The following DHRS7C variants were observed in gnomAD, a reference collection of about 807,000 sequenced individuals.
The protein encoded by DHRS7C is dehydrogenase/reductase SDR family member 7C.
In DHRS7C, 28 loss-of-function variants were observed where a neutral mutation model predicts 29.6. The observed-to-expected ratio is 0.95, with a 90% CI of 0.70 to 1.30. DHRS7C has a LOEUF of 1.30. Ranked by LOEUF, DHRS7C falls within the 50% of genes most tolerant of loss-of-function variation. The pLI is 0.00. For synonymous variants in DHRS7C, 158 were observed against 160.2 expected (o/e 0.99, Z 0.10); for missense variants, 403 against 393.3 (o/e 1.02, Z -0.21).
chr17:9,785,407 T>C (rs1222519151), intron 1 of DHRS7C, among the ~76,000 whole-genome samples: 1 of 152,198 alleles, frequency 6.6e-6, no homozygotes. Flanking sequence ...GCCAATGCCC[T>C]GAGGGCAGAG....
chr17:9,781,524 C>G lies in DHRS7C; in HGVS notation c.225G>C (p.Glu75Asp). 6.2e-7 allele frequency: 1 copy of G among 1,614,028 alleles called. No individual in the cohort carries two copies. The highest frequency in any genetic ancestry group is 1.1e-5 in the South Asian group (1 of 91,086). ...VLCGKNWERL[E>D]NLYDALISVA... Reference sequence around the variant, plus strand: ...CGCTGATCAAGGCATCATATAGGTTCTCTAGCCTCTCCCAGTTCTTTCCAC... The same window carrying G: ...CGCTGATCAAGGCATCATATAGGTTGTCTAGCCTCTCCCAGTTCTTTCCAC... The change falls in exon 2 of 6, where the codon GAG becomes GAC. Residue 75 changes from glutamate (E) to aspartate (D), a missense_variant. By Grantham distance (45) the Glu-to-Asp change is conservative. Coordinates refer to ENST00000571134, the MANE Select transcript of DHRS7C (RefSeq NM_001105571.3).
chr17:9,791,377 G>A lies in DHRS7C; in HGVS notation c.-93C>T, dbSNP rs2066454662. 2.1e-6 allele frequency: 3 copies of A among 1,443,050 alleles called. No individual in the cohort carries two copies. Among genetic ancestry groups the A allele is most frequent in the African/African-American group, 2.8e-5 (2 of 71,616 alleles). 89.4% of individuals were successfully genotyped at this position (1,443,050 alleles called of 1,614,324 possible). A position where few individuals can be genotyped will look rare whatever the true frequency, so the allele number is the denominator to read the frequency against. On this transcript the variant is annotated 5_prime_UTR_variant, in exon 1 of 6. Coordinates refer to ENST00000571134, the MANE Select transcript of DHRS7C (RefSeq NM_001105571.3). ...GGGCAGGGGGAGGCCCAAGGCTGCAGGGAGCTCAGCTCTGTGCAAGCCTCC... is the reference window on the plus strand; with the variant it reads ...GGGCAGGGGGAGGCCCAAGGCTGCAAGGAGCTCAGCTCTGTGCAAGCCTCC...
chr17:9,776,895 G>A (rs538343235), intron 4 of DHRS7C, among the ~76,000 whole-genome samples: 2 of 152,276 alleles, frequency 1.3e-5, no homozygotes, highest in East Asian at 3.9e-4. Context: ...TCTCAGGAGC[G>A]TGACCTTCAC....
At chr17:9,789,734 G>A (rs944128912) in intron 1 of DHRS7C, among the ~76,000 whole-genome samples, 13 of 152,198 alleles carry the variant, frequency 8.5e-5, no homozygotes, top group Admixed American at 6.5e-4. Context: ...GCTATTTGGA[G>A]AGCAAATTTT....
intron 3 of DHRS7C, among the ~76,000 whole-genome samples, chr17:9,778,790 C>T (rs1291594464): frequency 6.6e-6 from 1 of 152,206 alleles, no homozygotes; most frequent in Non-Finnish European, 1.5e-5. Flanking sequence ...AAGGTATTTG[C>T]AAGATCAGGC....
intron 1 of DHRS7C, among the ~76,000 whole-genome samples, chr17:9,787,470 G>A (rs930255289): frequency 1.3e-5 from 2 of 152,182 alleles, no homozygotes; most frequent in African/African-American, 2.4e-5. Flanking sequence ...CAAGCCTAGA[G>A]GTGCTGCTCC....
chr17:9,771,889 C>A (rs2066331347), intron 5 of DHRS7C, among the ~76,000 whole-genome samples, 193 bp from the exon 6 acceptor site: 1 of 152,242 alleles, frequency 6.6e-6, no homozygotes. Flanking sequence ...CTTCCTTCTG[C>A]GTCTTCGTCT....
intron 4 of DHRS7C, 116 bp from the exon 5 acceptor site, chr17:9,773,038 A>C: frequency 7.9e-7 from 1 of 1,265,930 alleles, no homozygotes; most frequent in South Asian, 1.5e-5. Flanking sequence ...AGAGCTGGGA[A>C]GATCCTCAAG....
rs760203413 is a variant in DHRS7C, at chr17:9,781,487, T to A, written c.262A>T (p.Ser88Cys). 1 of 1,613,924 alleles carries A rather than the reference T, an allele frequency of 6.2e-7. No individual in the cohort carries two copies. The highest frequency in any genetic ancestry group is 1.1e-5 in the South Asian group (1 of 91,078). Residue 88 changes from serine to cysteine, a missense_variant, in exon 2 of 6, where the codon AGC becomes TGC. Transcript: ENST00000571134. ...YDALISVADP[S>C]KTFTPKLVLL... Reference sequence around the variant, plus strand: ...CTACTGCTAGAAGACCTTACCTTGCTGGGGTCAGCCACGCTGATCAAGGCA... The same window carrying A: ...CTACTGCTAGAAGACCTTACCTTGCAGGGGTCAGCCACGCTGATCAAGGCA...
At position 9,791,217 on chromosome 17, in the gene DHRS7C, T is replaced by C. The variant is rs772925322; in HGVS notation, c.68A>G (p.Tyr23Cys). 1 of 1,613,580 alleles carries C rather than the reference T, an allele frequency of 6.2e-7. No individual in the cohort carries two copies. The highest frequency in any genetic ancestry group is 1.3e-5 in the African/African-American group (1 of 74,940). The change falls in exon 1 of 6, where the codon TAC becomes TGC. Residue 23 changes from tyrosine (Y) to cysteine (C), a missense_variant. Coordinates refer to ENST00000571134, the MANE Select transcript of DHRS7C (RefSeq NM_001105571.3). ...LLGISGLLFI[Y>C]QEVSRLWSKS... Reference sequence around the variant, plus strand: ...TGACCACAGCCTGGACACCTCTTGGTAAATGAAGAGGAGGCCGCTGATTCC... The same window carrying C: ...TGACCACAGCCTGGACACCTCTTGGCAAATGAAGAGGAGGCCGCTGATTCC...
In DHRS7C at chr17:9,787,542, CT is replaced by C. The variant is rs529811380; in HGVS notation, c.154+3588del. On this transcript the variant is annotated intron_variant, in intron 1 of 5. Coordinates refer to ENST00000571134, the MANE Select transcript of DHRS7C (RefSeq NM_001105571.3). The stretch of plus-strand genomic sequence containing the variant: ...ATACCCAGGTGTCCTTATTTCTATT[CT>C]TTTATCAGCTCAGCAGGTATCTCGC... 2.6e-5 allele frequency among the ~76,000 whole-genome samples: 4 copies of C among 152,272 alleles called. No homozygotes were observed. The East Asian group carries it at 7.7e-4, about 29-fold the overall frequency.
At position 9,777,201 on chromosome 17, in the gene DHRS7C, C is replaced by A; in HGVS notation, c.563G>T (p.Arg188Leu). 1 of 1,612,668 alleles carries A rather than the reference C, an allele frequency of 6.2e-7. No homozygotes were observed. The highest frequency in any genetic ancestry group is 8.5e-7 in the Non-Finnish European group (1 of 1,179,152). Residue 188 changes from arginine (R) to leucine (L), a missense_variant, in exon 4 of 6, where the codon CGT becomes CTT. Physicochemically the swap from Arg to Leu is moderately radical, Grantham distance 102. Coordinates refer to ENST00000571134, the MANE Select transcript of DHRS7C (RefSeq NM_001105571.3). Reference protein sequence around the residue: ...NIQGKFGIPFRTTYAASKHAA... With the variant: ...NIQGKFGIPFLTTYAASKHAA... ...TTATCTTAGCAACTTACAAGTCGTA[C>A]GGAACGGGATTCCAAACTTCCCTTG...
At chr17:9,781,274 A>G (rs745717834) in intron 2 of DHRS7C, among the ~76,000 whole-genome samples, 2 of 152,184 alleles carry the variant, frequency 1.3e-5, no homozygotes, top group Non-Finnish European at 2.9e-5. Flanking sequence ...TGGCTACAGA[A>G]CATGATTTTG....
At chr17:9,786,844 A>C (rs1271857879) in intron 1 of DHRS7C, among the ~76,000 whole-genome samples, 1 of 152,156 alleles carries the variant, frequency 6.6e-6, no homozygotes, top group Non-Finnish European at 1.5e-5. Context: ...GGAGTAACGC[A>C]TTCTCCACAC....
In DHRS7C at chr17:9,771,481, C is replaced by T. The variant is rs773299327; in HGVS notation, c.*7G>A. The T allele has an allele frequency of 1.3e-6, 2 of 1,503,394 alleles. No homozygotes were observed. The highest frequency in any genetic ancestry group is 2.1e-5 in the Admixed American group (1 of 46,818). The allele number at this position is 1,503,394 out of a possible 1,614,324, so 93.1% of individuals were successfully genotyped here. On this transcript the variant is annotated 3_prime_UTR_variant, in exon 6 of 6. Coordinates refer to ENST00000571134, the MANE Select transcript of DHRS7C (RefSeq NM_001105571.3). ...TTCCAAGGGGTGGCCCATTTGGCCT[C>T]CTGCAGTTACCCCTCCTCCGGGACA...
intron 1 of DHRS7C, among the ~76,000 whole-genome samples, chr17:9,789,571 T>G (rs554175119): frequency 1.3e-5 from 2 of 152,096 alleles, no homozygotes; most frequent in African/African-American, 4.8e-5. Flanking sequence ...AATACACTAA[T>G]GTGGTGTGCA....
intron 1 of DHRS7C, among the ~76,000 whole-genome samples, chr17:9,788,708 GGT>G: frequency 6.6e-6 from 1 of 152,164 alleles, no homozygotes. Context: ...GTGGCACCAG[GGT>G]GTGCAGCGGC....
chr17:9,780,015 G>A lies in DHRS7C; in HGVS notation c.288C>T (p.Val96=). Residue 96 remains valine (V), a synonymous_variant, in exon 3 of 6, where the codon GTC becomes GTT. Transcript: ENST00000571134. ...DPSKTFTPKL[V]LLDLSDISCV... ...AGCTGATGTCTGAGAGGTCCAACAG[G>A]ACCAGCTTTGGGGTGAATGTCTGCT... The A allele has an allele frequency of 2.5e-6, 4 of 1,613,772 alleles. No homozygotes were observed. Among genetic ancestry groups the A allele is most frequent in the Non-Finnish European group, 3.4e-6 (4 of 1,179,838 alleles).
At chr17:9,772,665 C>A (rs2066337187) in intron 5 of DHRS7C, 102 bp downstream of exon 5, 8 of 1,439,720 alleles carry the variant, frequency 5.6e-6, no homozygotes, top group Non-Finnish European at 7.5e-6. Context: ...CATCCCCAGA[C>A]TCATGTTTCA....
Sources: allele counts gnomAD v4.1 joint callset (sites outside exome capture counted in the v4.1 genomes callset), GRCh38; gene constraint gnomAD v4.1.1; transcripts MANE v1.5; gene names NCBI Gene and HGNC (gene_info 2026-07-23, HGNC 2026-07-21).